Variants in CNPY1 observed in about 807,000 individuals in gnomAD.
CNPY1 encodes canopy FGF signaling regulator 1, also known as protein canopy homolog 1.
In CNPY1, 14 loss-of-function variants were observed where a neutral mutation model predicts 14.4. The observed-to-expected ratio is 0.97, with a 90% CI of 0.64 to 1.52. The LOEUF (loss-of-function observed/expected upper bound fraction) is 1.52, where lower values mean the gene tolerates loss of function less well. CNPY1 is among the 40% of genes most tolerant of loss of function. The pLI is 0.00. For synonymous variants in CNPY1, 43 were observed against 46.5 expected (o/e 0.92, Z 0.31); for missense variants, 129 against 131.5 (o/e 0.98, Z 0.09).
chr7:155,530,661 C>T (rs1585328301), intron 2 of CNPY1, among the ~76,000 whole-genome samples: 1 of 152,220 alleles, frequency 6.6e-6, no homozygotes, highest in Non-Finnish European at 1.5e-5. Context: ...TATATGGCTA[C>T]AGCCACAACT....
chr7:155,523,875 A>G (rs565247839), intron 2 of CNPY1, among the ~76,000 whole-genome samples: 1 of 152,346 alleles, frequency 6.6e-6, no homozygotes, highest in East Asian at 1.9e-4. Context: ...TACCAGTCAC[A>G]TGGTAAGAGA....
rs1236155133 is a variant in CNPY1, at chr7:155,502,144, T to C, written c.*924A>G. On this transcript the variant is annotated 3_prime_UTR_variant, in exon 5 of 5. Transcript: ENST00000636446. ...CCATTGAATGCAAATGTAACAGAGA[T>C]AAAGAAATTTCCGGGAGTGATTGTT... 1 of 152,138 alleles carries C rather than the reference T, an allele frequency of 6.6e-6. No individual in the cohort carries two copies. Among genetic ancestry groups the C allele is most frequent in the Admixed American group, 6.5e-5 (1 of 15,276 alleles). 9.4% of individuals were successfully genotyped at this position (152,138 alleles called of 1,614,324 possible). A position where few individuals can be genotyped will look rare whatever the true frequency, so the allele number is the denominator to read the frequency against.
At chr7:155,537,424 CTTT>C (rs557551511) in intron 2 of CNPY1, among the ~76,000 whole-genome samples, 8 of 137,764 alleles carry the variant, frequency 5.8e-5, no homozygotes, top group South Asian at 4.6e-4. Flanking sequence ...TTTTTCTTTT[CTTT>C]TTTTTTTTTT....
intron 2 of CNPY1, among the ~76,000 whole-genome samples, chr7:155,524,553 G>A (rs918834590): frequency 6.6e-6 from 1 of 152,164 alleles, no homozygotes; most frequent in Admixed American, 6.5e-5. Flanking sequence ...CACATGCAAG[G>A]GATCCAGGTT....
chr7:155,517,990 G>A (rs1796653912), intron 2 of CNPY1, among the ~76,000 whole-genome samples: 1 of 152,180 alleles, frequency 6.6e-6, no homozygotes, highest in Admixed American at 6.5e-5. Context: ...CTCCCTTCAG[G>A]TGAGGAGCAG....
chr7:155,543,522 C>G (rs1316810868), intron 2 of CNPY1, among the ~76,000 whole-genome samples: 1 of 152,174 alleles, frequency 6.6e-6, no homozygotes, highest in Admixed American at 6.5e-5. Flanking sequence ...GAAGAGTTTT[C>G]TAAGTGGGAA....
chr7:155,545,853 T>C lies in CNPY1; in HGVS notation c.77A>G (p.Asp26Gly). Reference protein sequence around the residue: ...TKVGSFRINPDGTQERRKIPL... With the variant: ...TKVGSFRINPGGTQERRKIPL... Reference sequence around the variant, plus strand: ...TACCTTTCTCCTCTCCTGAGTCCCATCGGGATTGATTCGGAAGGATCCCAC... The same window carrying C: ...TACCTTTCTCCTCTCCTGAGTCCCACCGGGATTGATTCGGAAGGATCCCAC... Residue 26 changes from aspartate to glycine, a missense_variant, in exon 2 of 5, where the codon GAT becomes GGT. Transcript: ENST00000636446. The C allele has an allele frequency of 2.5e-6, 1 of 398,682 alleles. No individual in the cohort carries two copies. Among genetic ancestry groups the C allele is most frequent in the Non-Finnish European group, 4.4e-6 (1 of 226,080 alleles). 24.7% of individuals were successfully genotyped at this position (398,682 alleles called of 1,614,324 possible).
At chr7:155,526,609 C>T (rs531184975) in intron 2 of CNPY1, among the ~76,000 whole-genome samples, 20 of 152,242 alleles carry the variant, frequency 1.3e-4, no homozygotes, top group Non-Finnish European at 2.4e-4. Flanking sequence ...CCAAATAGCA[C>T]GCTGGTGGAA....
chr7:155,541,668 A>G (rs1797085626), intron 2 of CNPY1, among the ~76,000 whole-genome samples: 1 of 152,120 alleles, frequency 6.6e-6, no homozygotes, highest in Admixed American at 6.5e-5. Flanking sequence ...GCGACTGTCC[A>G]TGGGTCTTGC....
At position 155,536,110 on chromosome 7, in the gene CNPY1, G is replaced by A. The variant is rs1797020260; in HGVS notation, c.99+9721C>T. 6.6e-6 allele frequency among the ~76,000 whole-genome samples: 1 copy of A among 152,190 alleles called. No homozygotes were observed. ...GGCTGGGCTGTCCTCACCTGGCGGGGTCAGAGGCAGTGGGGATCCAGGTGC... is the reference window on the plus strand; with the variant it reads ...GGCTGGGCTGTCCTCACCTGGCGGGATCAGAGGCAGTGGGGATCCAGGTGC... On this transcript the variant is annotated intron_variant, in intron 2 of 4. Transcript: ENST00000636446. This position sits in a 1 kb window ranked among gnomAD's most constrained non-coding sequence, Gnocchi z 4.1.
Position 155,506,940 on chromosome 7 carries a change from C to A in CNPY1, c.400+80G>T. Reference sequence around the variant, plus strand: ...GATCGCAGAGGCAGCGAGGCTCGGTCTGCAAACAAGACGCTGCAAGGCTGA... The same window carrying A: ...GATCGCAGAGGCAGCGAGGCTCGGTATGCAAACAAGACGCTGCAAGGCTGA... On this transcript the variant is annotated intron_variant, in intron 4 of 4. Coordinates refer to ENST00000636446, the MANE Select transcript of CNPY1 (RefSeq NM_001393663.1). The A allele has an allele frequency of 3.2e-6, 3 of 949,888 alleles. No individual in the cohort carries two copies. The South Asian group carries it at 4.0e-5, about 13-fold the overall frequency. The allele number at this position is 949,888 out of a possible 1,614,324, so 58.8% of individuals were successfully genotyped here.
chr7:155,545,598 A>G (rs1390913050), intron 2 of CNPY1, among the ~76,000 whole-genome samples: 1 of 152,220 alleles, frequency 6.6e-6, no homozygotes, highest in Non-Finnish European at 1.5e-5. Context: ...GATGAAGAAC[A>G]GTGCCGAAAT....
chr7:155,503,664 G>GA (rs969311314), intron 4 of CNPY1, among the ~76,000 whole-genome samples: 3 of 152,114 alleles, frequency 2.0e-5, no homozygotes, highest in Non-Finnish European at 4.4e-5. Context: ...CATAAAAAGG[G>GA]AAAAATCTTT....
At chr7:155,511,583 AT>A (rs1796532475) in intron 2 of CNPY1, among the ~76,000 whole-genome samples, 2 of 152,228 alleles carry the variant, frequency 1.3e-5, no homozygotes, top group African/African-American at 4.8e-5. Context: ...TAACACAAAT[AT>A]GTTATGGCAA....
intron 2 of CNPY1, among the ~76,000 whole-genome samples, chr7:155,511,630 C>T (rs376876685): frequency 7.2e-5 from 11 of 152,308 alleles, no homozygotes; most frequent in Middle Eastern, 3.4e-3. Flanking sequence ...TTTTGTCAGT[C>T]TATGAAGGCT....
At position 155,503,012 on chromosome 7, in the gene CNPY1, G is replaced by T; in HGVS notation, c.*56C>A. 1 of 1,487,538 alleles carries T rather than the reference G, an allele frequency of 6.7e-7. No individual in the cohort carries two copies. 92.1% of individuals were successfully genotyped at this position (1,487,538 alleles called of 1,614,324 possible). On this transcript the variant is annotated 3_prime_UTR_variant, in exon 5 of 5. Coordinates refer to ENST00000636446, the MANE Select transcript of CNPY1 (RefSeq NM_001393663.1). ...AGACAACATGCAAACATAAAATGCA[G>T]ACATTGACCTTTGGGTGTGACTTTA...
chr7:155,521,901 C>T (rs1796732231), intron 2 of CNPY1, among the ~76,000 whole-genome samples: 1 of 152,226 alleles, frequency 6.6e-6, no homozygotes, highest in Non-Finnish European at 1.5e-5. Flanking sequence ...AGTTTGCAAC[C>T]TGTGCCCTGC....
chr7:155,503,010 C>T lies in CNPY1; in HGVS notation c.*58G>A. 7 of 1,471,700 alleles carry T rather than the reference C, an allele frequency of 4.8e-6. No homozygotes were observed. Among genetic ancestry groups the T allele is most frequent in the South Asian group, 1.2e-5 (1 of 83,926 alleles). The allele number at this position is 1,471,700 out of a possible 1,614,324, so 91.2% of individuals were successfully genotyped here. On this transcript the variant is annotated 3_prime_UTR_variant, in exon 5 of 5. Transcript: ENST00000636446. ...AAAGACAACATGCAAACATAAAATG[C>T]AGACATTGACCTTTGGGTGTGACTT...
chr7:155,518,153 C>T (rs928206713), intron 2 of CNPY1, among the ~76,000 whole-genome samples: 1 of 152,168 alleles, frequency 6.6e-6, no homozygotes, highest in African/African-American at 2.4e-5. Context: ...GGAGGGGTGG[C>T]CAGATCCACA....
Sources: gnomAD v4.1 joint callset for allele counts (sites outside exome capture counted in the v4.1 genomes callset) on GRCh38, gnomAD v4.1.1 for gene constraint, Gnocchi (gnomAD v3.1) non-coding constraint, MANE v1.5 for transcripts, NCBI Gene and HGNC (gene_info 2026-07-23, HGNC 2026-07-21) for gene names.